Variants in SNCAIP observed in about 807,000 individuals in gnomAD.
The protein encoded by SNCAIP is synphilin-1.
In SNCAIP, 43 loss-of-function variants were observed where a neutral mutation model predicts 86.7. The ratio of observed to expected loss-of-function variants is 0.50; its 90% CI spans 0.39 to 0.64. SNCAIP has a LOEUF of 0.64. Among genes scored for constraint, SNCAIP ranks in the 30% least tolerant of loss-of-function variants. The pLI, the probability that SNCAIP is intolerant of heterozygous loss-of-function variation, is 0.00. For missense variants in SNCAIP, 981 were observed against 1,103.1 expected (o/e 0.89, Z 1.57); for synonymous variants, 417 against 427.2 (o/e 0.98, Z 0.29).
intron 2 of SNCAIP, among the ~76,000 whole-genome samples, chr5:122,402,804 C>G (rs1772107174): frequency 1.3e-5 from 2 of 152,020 alleles, no homozygotes; most frequent in African/African-American, 4.8e-5. Context: ...CTCAATCCCC[C>G]CAAATTTTGC....
Position 122,366,640 on chromosome 5 carries a change from G to T in SNCAIP, c.-46-24449G>T, listed in dbSNP as rs141702488. 1.4e-4 allele frequency among the ~76,000 whole-genome samples: 22 copies of T among 152,276 alleles called. 3 individuals carry two copies. The highest frequency in any genetic ancestry group is 4.8e-4 in the African/African-American group (20 of 41,568). The stretch of plus-strand genomic sequence containing the variant: ...AGCATAAGCCAAAGCACCAGGACAA[G>T]AAACAGCATGAGATATGCACAGAAT... On this transcript the variant is annotated intron_variant, in intron 1 of 10. Transcript: ENST00000261368.
intron 9 of SNCAIP, 151 bp downstream of exon 9, chr5:122,450,088 A>T: frequency 3.1e-6 from 2 of 651,718 alleles, no homozygotes. Context: ...ACAGTGAAAA[A>T]GGCACTGGAC....
At position 122,403,003 on chromosome 5, in the gene SNCAIP, C is replaced by G. The variant is rs940663158; in HGVS notation, c.58-790C>G. The stretch of plus-strand genomic sequence containing the variant: ...ATTTATTTTATTTTAAAACACCCTC[C>G]TCTAAAGAAAGACTGATTGGCATCA... On this transcript the variant is annotated intron_variant, in intron 2 of 10. Transcript: ENST00000261368. 2.0e-4 allele frequency among the ~76,000 whole-genome samples: 30 copies of G among 152,276 alleles called. 1 individual carries two copies. Among genetic ancestry groups the G allele is most frequent in the African/African-American group, 5.8e-4 (24 of 41,530 alleles).
chr5:122,347,357 T>C (rs1179847503), intron 1 of SNCAIP, among the ~76,000 whole-genome samples: 1 of 151,800 alleles, frequency 6.6e-6, no homozygotes, highest in East Asian at 1.9e-4. Flanking sequence ...CTTCTTTTTT[T>C]GACCGGTTGT....
chr5:122,386,886 A>G (rs1467527901), intron 1 of SNCAIP, among the ~76,000 whole-genome samples: 2 of 152,192 alleles, frequency 1.3e-5, no homozygotes, highest in East Asian at 1.9e-4. Flanking sequence ...AGAATTGCCA[A>G]TGCCAGTAAA....
At chr5:122,443,404 A>G (rs1460514539) in intron 7 of SNCAIP, among the ~76,000 whole-genome samples, 3 of 152,138 alleles carry the variant, frequency 2.0e-5, no homozygotes, top group Non-Finnish European at 4.4e-5. Context: ...ATTTTTTTAA[A>G]TTATTAATTT....
chr5:122,371,920 G>A (rs2152794580), intron 1 of SNCAIP: 1 of 152,248 alleles, frequency 6.6e-6, no homozygotes, highest in Admixed American at 6.5e-5. Context: ...AACCACAGGG[G>A]TTTCTATTTG....
At chr5:122,448,959 T>C (rs1783105742) in intron 8 of SNCAIP, among the ~76,000 whole-genome samples, 1 of 149,700 alleles carries the variant, frequency 6.7e-6, no homozygotes, top group Non-Finnish European at 1.5e-5. Flanking sequence ...GAGCTTCCAG[T>C]GAGCCGAGAT....
chr5:122,362,357 TAGAA>T, intron 1 of SNCAIP, among the ~76,000 whole-genome samples: 1 of 152,042 alleles, frequency 6.6e-6, no homozygotes, highest in East Asian at 1.9e-4. Flanking sequence ...TACAAAGAAA[TAGAA>T]AGATTATCAG....
intron 1 of SNCAIP, among the ~76,000 whole-genome samples, chr5:122,374,982 G>T (rs964139485): frequency 2.6e-5 from 4 of 152,054 alleles, no homozygotes; most frequent in Non-Finnish European, 4.4e-5. Flanking sequence ...GGTGGAAGCA[G>T]ATTTTGTTCA....
rs570386807 is a variant in SNCAIP at position 122,419,652 on chromosome 5, T to C, written c.131-3216T>C. On this transcript the variant is annotated intron_variant, in intron 3 of 10. Transcript: ENST00000261368. ...TCTGCTCTCATGGAACTTGTACAAA[T>C]CTAAAATAGATAAAATTTGGGGGGA... 3.0e-4 allele frequency among the ~76,000 whole-genome samples: 45 copies of C among 152,284 alleles called. No individual in the cohort carries two copies. In the South Asian group the frequency reaches 9.1e-3, roughly 31 times the overall value.
At chr5:122,332,105 A>G (rs2152699267) in intron 1 of SNCAIP, among the ~76,000 whole-genome samples, 1 of 152,386 alleles carries the variant, frequency 6.6e-6, no homozygotes, top group African/African-American at 2.4e-5. Context: ...TGCAAGATGC[A>G]AAGATGCATC....
intron 3 of SNCAIP, among the ~76,000 whole-genome samples, chr5:122,416,504 T>C (rs904848954): frequency 3.3e-4 from 50 of 152,190 alleles, no homozygotes; most frequent in African/African-American, 1.2e-3. Context: ...ACACACACTT[T>C]TGCTTTTCCC....
chr5:122,359,526 G>T (rs1307847827), intron 1 of SNCAIP, among the ~76,000 whole-genome samples: 1 of 151,754 alleles, frequency 6.6e-6, no homozygotes, highest in African/African-American at 2.4e-5. Flanking sequence ...ACCACGCCTG[G>T]CAAATTTTTT....
chr5:122,418,896 C>G (rs991566610), intron 3 of SNCAIP, among the ~76,000 whole-genome samples: 6 of 151,984 alleles, frequency 3.9e-5, no homozygotes, highest in Non-Finnish European at 5.9e-5. Context: ...AAAAAGAGAC[C>G]AGGGGAAGCC....
At chr5:122,456,814 T>C (rs1368507735) in intron 10 of SNCAIP, among the ~76,000 whole-genome samples, 1 of 152,240 alleles carries the variant, frequency 6.6e-6, no homozygotes, top group Non-Finnish European at 1.5e-5. Flanking sequence ...GTGGGTGTTG[T>C]TACCAAACTA....
At chr5:122,331,966 G>T (rs1755445720) in intron 1 of SNCAIP, among the ~76,000 whole-genome samples, 1 of 152,194 alleles carries the variant, frequency 6.6e-6, no homozygotes, top group Admixed American at 6.5e-5. Flanking sequence ...ATGAGTAAGT[G>T]TACAGATACA....
At chr5:122,391,338 GTGGT>G in intron 2 of SNCAIP, 147 bp downstream of exon 2, 1 of 694,364 alleles carries the variant, frequency 1.4e-6, no homozygotes. Flanking sequence ...CAGACTCGGT[GTGGT>G]TTGGGGGGAT....
intron 1 of SNCAIP, among the ~76,000 whole-genome samples, chr5:122,339,408 C>G (rs977041584): frequency 1.3e-4 from 20 of 152,306 alleles, no homozygotes; most frequent in Middle Eastern, 3.4e-3. Flanking sequence ...TCAAAACCAT[C>G]TTTAGATACA....
Sources: gnomAD v4.1 joint callset for allele counts (sites outside exome capture counted in the v4.1 genomes callset) on GRCh38, gnomAD v4.1.1 for gene constraint, MANE v1.5 for transcripts, NCBI Gene and HGNC (gene_info 2026-07-23, HGNC 2026-07-21) for gene names.